The following SI variants were observed in gnomAD, a reference collection of about 807,000 sequenced individuals.
SI encodes the protein sucrase-isomaltase, intestinal.
A neutral mutation model predicts 253.3 loss-of-function variants in SI; 235 were observed. The observed-to-expected ratio is 0.93, with a 90% CI of 0.83 to 1.03. SI has a LOEUF of 1.03. Ranked by LOEUF, SI falls within the 50% of genes least tolerant of loss-of-function variation. The pLI, the probability that SI is intolerant of heterozygous loss-of-function variation, is 0.00. For missense variants in SI, 2,442 were observed against 2,211.1 expected, an observed-to-expected ratio of 1.10 and a Z score of -2.09; for synonymous variants, 819 against 712.0, an observed-to-expected ratio of 1.15 and a Z score of -2.39.
chr3:165,060,614 C>A (rs760831743), intron 9 of SI, among the ~76,000 whole-genome samples: 1 of 151,584 alleles, frequency 6.6e-6, no homozygotes, highest in South Asian at 2.1e-4. Flanking sequence ...ACAAATGGAT[C>A]GCCATCTCTT....
chr3:164,996,395 C>A, intron 40 of SI, 140 bp downstream of exon 40: 1 of 631,752 alleles, frequency 1.6e-6, no homozygotes, highest in Admixed American at 2.3e-5. Context: ...AAAAAAAGTT[C>A]CTCCAGACAA....
chr3:165,036,379 T>C lies in SI; in HGVS notation c.2515+10A>G. 6.3e-7 allele frequency: 1 copy of C among 1,591,710 alleles called. No homozygotes were observed. The highest frequency in any genetic ancestry group is 8.6e-7 in the Non-Finnish European group (1 of 1,160,390). On this transcript the variant is annotated intron_variant, in intron 22 of 47. Coordinates refer to ENST00000264382, the MANE Select transcript of SI (RefSeq NM_001041.4). ...AGTGAACATTTAAAGCGTATTACTT[T>C]CAGACTTACCTTTAGTTTCTCCATC... is the stretch of plus-strand genomic sequence containing the variant.
At position 165,065,466 on chromosome 3, in the gene SI, T is replaced by TATATAG. The variant is rs747472702; in HGVS notation, c.636-35_636-34insCTATAT. On this transcript the variant is annotated intron_variant, in intron 6 of 47. Transcript: ENST00000264382. ...TAAAAGAAATAAAGAAATAATCTAA[T>TATATAG]ATATATATATATATATATATATATA... The TATATAG allele has an allele frequency of 1.9e-3, 302 of 161,454 alleles. 25 individuals carry two copies. The highest frequency in any genetic ancestry group is 6.0e-3 in the African/African-American group (158 of 26,484). 10.0% of individuals were successfully genotyped at this position (161,454 alleles called of 1,614,324 possible). A position where few individuals can be genotyped will look rare whatever the true frequency, so the allele number is the denominator to read the frequency against.
At chr3:165,018,129 G>A (rs1719131877) in intron 28 of SI, 63 bp from the exon 29 acceptor site, 1 of 975,750 alleles carries the variant, frequency 1.0e-6, no homozygotes, top group South Asian at 1.3e-5. Flanking sequence ...TTTAATCAAT[G>A]TTATTTTAAA....
chr3:165,021,914 G>A (rs1013935090), intron 26 of SI, among the ~76,000 whole-genome samples: 2 of 151,542 alleles, frequency 1.3e-5, no homozygotes, highest in African/African-American at 4.8e-5. Flanking sequence ...TCACCAAAAT[G>A]TGTACTCTAA....
intron 25 of SI, among the ~76,000 whole-genome samples, 165 bp from the exon 26 acceptor site, chr3:165,023,941 A>T (rs1711766256): frequency 6.6e-6 from 1 of 151,472 alleles, no homozygotes; most frequent in East Asian, 1.9e-4. Flanking sequence ...GCAATTTGGG[A>T]TCCCATGTAC....
intron 1 of SI, among the ~76,000 whole-genome samples, chr3:165,077,092 A>G (rs1419608529): frequency 6.6e-6 from 1 of 151,300 alleles, no homozygotes; most frequent in African/African-American, 2.4e-5. Context: ...ATGTTTTACA[A>G]CATTCAATCA....
Position 165,010,914 on chromosome 3 carries a change from C to A in SI, c.4063-1519G>T, listed in dbSNP as rs560040292. Among the ~76,000 whole-genome samples, 9 of 152,266 alleles carry A rather than the reference C, an allele frequency of 5.9e-5. No homozygotes were observed. The East Asian group carries it at 1.7e-3, about 29-fold the overall frequency. On this transcript the variant is annotated intron_variant, in intron 34 of 47. Coordinates refer to ENST00000264382, the MANE Select transcript of SI (RefSeq NM_001041.4). The stretch of plus-strand genomic sequence containing the variant: ...GTGGGTGGAACTCAAGTTGAAATAA[C>A]ACTTTTTTCCTCAATGACATAGTTC...
At chr3:165,014,024 G>A (rs1255128920) in intron 33 of SI, among the ~76,000 whole-genome samples, 1 of 152,066 alleles carries the variant, frequency 6.6e-6, no homozygotes, top group Non-Finnish European at 1.5e-5. Context: ...ACTGTGCCCA[G>A]CCCTGTCTAT....
upstream of SI, among the ~76,000 whole-genome samples, chr3:165,081,874 G>A (rs1014031604): frequency 6.6e-6 from 1 of 151,886 alleles, no homozygotes; most frequent in Non-Finnish European, 1.5e-5. Flanking sequence ...TTTAGAAGAA[G>A]AAGGAGAAAA....
intron 33 of SI, among the ~76,000 whole-genome samples, chr3:165,014,522 T>G (rs1718935252): frequency 6.6e-6 from 1 of 152,190 alleles, no homozygotes; most frequent in Non-Finnish European, 1.5e-5. Context: ...GAGCTGGGAT[T>G]ACAGGCGTGA....
chr3:165,020,390 G>A (rs75952886), intron 27 of SI, among the ~76,000 whole-genome samples: 9 of 151,700 alleles, frequency 5.9e-5, no homozygotes, highest in African/African-American at 9.6e-5. Flanking sequence ...GAGAGGAAGC[G>A]TAAGTATTAC....
upstream of SI, among the ~76,000 whole-genome samples, chr3:165,080,598 T>C (rs975764227): frequency 6.6e-6 from 1 of 152,024 alleles, no homozygotes; most frequent in Non-Finnish European, 1.5e-5. Flanking sequence ...TCATGTCCTT[T>C]GTAGGGACAT....
chr3:165,046,813 T>A, intron 16 of SI, 28 bp downstream of exon 16: 6 of 1,559,722 alleles, frequency 3.8e-6, no homozygotes, highest in Non-Finnish European at 5.3e-6. Flanking sequence ...GTAGCTTTTA[T>A]GAGTAACACT....
chr3:165,069,048 A>G (rs755814173), intron 4 of SI, 30 bp downstream of exon 4: 1 of 1,414,394 alleles, frequency 7.1e-7, no homozygotes, highest in Admixed American at 1.7e-5. Context: ...AATATATCAT[A>G]TTGAATCATT....
At chr3:165,005,895 A>G (rs894295526) in intron 37 of SI, among the ~76,000 whole-genome samples, 1 of 152,078 alleles carries the variant, frequency 6.6e-6, no homozygotes, top group African/African-American at 2.4e-5. Context: ...TACAAGTATA[A>G]GCTGCTGTGC....
intron 37 of SI, among the ~76,000 whole-genome samples, chr3:165,005,183 T>G (rs1028994786): frequency 6.6e-6 from 1 of 152,068 alleles, no homozygotes. Context: ...TTACCCAGTC[T>G]CAGGTAGTAT....
At position 164,982,305 on chromosome 3, in the gene SI, C is replaced by T; in HGVS notation, c.5353G>A (p.Val1785Ile). 6.2e-7 allele frequency: 1 copy of T among 1,613,150 alleles called. No individual in the cohort carries two copies. The highest frequency in any genetic ancestry group is 8.5e-7 in the Non-Finnish European group (1 of 1,179,490). The stretch of plus-strand genomic sequence containing the variant: ...TTATTTCCGTTATACGTTAGAGTAA[C>T]TGCATTGACAGGAGTAGTTCCTTTC... ...WGKGTTPVNA[V>I]TLTYNGNKNS... is the part of the protein sequence containing the mutation. Residue 1785 changes from valine to isoleucine, a missense_variant, in exon 47 of 48, where the codon GTT becomes ATT. Transcript: ENST00000264382.
At chr3:165,016,475 T>C (rs996073946) in intron 31 of SI, among the ~76,000 whole-genome samples, 1 of 151,996 alleles carries the variant, frequency 6.6e-6, no homozygotes, top group Non-Finnish European at 1.5e-5. Context: ...GATGTTGCTG[T>C]TTCCGGGAAG....
Sources: allele counts gnomAD v4.1 joint callset (sites outside exome capture counted in the v4.1 genomes callset), GRCh38; gene constraint gnomAD v4.1.1; transcripts MANE v1.5; gene names NCBI Gene and HGNC (gene_info 2026-07-23, HGNC 2026-07-21).